The following FHIT variants were observed in gnomAD, a reference collection of about 807,000 sequenced individuals.
FHIT encodes fragile histidine triad diadenosine triphosphatase.
Under a neutral mutation model 17.9 loss-of-function variants are expected in FHIT, and 19 were observed. The observed-to-expected ratio is 1.06, with a 90% confidence interval of 0.74 to 1.56. The LOEUF is 1.56. Ranked by LOEUF, FHIT falls within the 40% of genes most tolerant of loss-of-function variation. The pLI, the probability that FHIT is intolerant of heterozygous loss-of-function variation, is 0.00. For missense variants in FHIT, 248 were observed against 189.2 expected (o/e 1.31, Z -1.82); for synonymous variants, 81 against 69.7 (o/e 1.16, Z -0.81).
chr3:61,174,560 C>A (rs932486195), intron 2 of FHIT, among the ~76,000 whole-genome samples: 12 of 152,202 alleles, frequency 7.9e-5, no homozygotes, highest in African/African-American at 2.7e-4. Context: ...TATGGCCCAA[C>A]TGTTGATTAA....
intron 2 of FHIT, among the ~76,000 whole-genome samples, chr3:61,134,014 G>A (rs1050466362): frequency 2.0e-5 from 3 of 151,824 alleles, no homozygotes; most frequent in Admixed American, 6.6e-5. Context: ...CTTTGAACTC[G>A]GGAGGCGGAG....
intron 2 of FHIT, among the ~76,000 whole-genome samples, chr3:61,064,612 C>T (rs1265081675): frequency 6.6e-6 from 1 of 152,180 alleles, no homozygotes; most frequent in Non-Finnish European, 1.5e-5. Flanking sequence ...CAGCATCCTT[C>T]ATGCAGGAAA....
intron 1 of FHIT, among the ~76,000 whole-genome samples, chr3:61,202,043 T>C (rs1371330387): frequency 6.9e-6 from 1 of 144,602 alleles, no homozygotes; most frequent in East Asian, 2.0e-4. Context: ...TATATATACC[T>C]ACATATATAT....
intron 5 of FHIT, among the ~76,000 whole-genome samples, chr3:60,472,960 T>A (rs1386105240): frequency 6.6e-6 from 1 of 152,166 alleles, no homozygotes; most frequent in Non-Finnish European, 1.5e-5. Flanking sequence ...TCTCCTTTAG[T>A]GCTATATTAT....
chr3:60,394,084 G>A (rs758013161), intron 5 of FHIT, among the ~76,000 whole-genome samples: 2 of 152,136 alleles, frequency 1.3e-5, no homozygotes, highest in East Asian at 3.9e-4. Context: ...AGCCTCAGGG[G>A]TGAGGGTCAG....
chr3:60,900,480 A>G (rs1271857118), intron 3 of FHIT, among the ~76,000 whole-genome samples: 1 of 152,100 alleles, frequency 6.6e-6, no homozygotes, highest in Non-Finnish European at 1.5e-5. Context: ...TAATCAAGAT[A>G]ATAATACTTC....
At chr3:60,070,993 G>T (rs1702744644) in intron 5 of FHIT, among the ~76,000 whole-genome samples, 1 of 151,960 alleles carries the variant, frequency 6.6e-6, no homozygotes, top group Non-Finnish European at 1.5e-5. Flanking sequence ...ACTCTCTTTA[G>T]AAGAGAAATC....
chr3:61,063,899 TC>T (rs2034515593), intron 2 of FHIT, among the ~76,000 whole-genome samples: 1 of 152,202 alleles, frequency 6.6e-6, no homozygotes, highest in South Asian at 2.1e-4. Context: ...ATGACTTAGT[TC>T]CCTCTGACCT....
At chr3:60,704,963 A>G (rs1304259762) in intron 4 of FHIT, among the ~76,000 whole-genome samples, 1 of 152,122 alleles carries the variant, frequency 6.6e-6, no homozygotes, top group Non-Finnish European at 1.5e-5. Flanking sequence ...ACTCTGTCCA[A>G]GAGATAAATA....
chr3:60,524,195 GAGACACAC>G (rs1302937601), intron 5 of FHIT, among the ~76,000 whole-genome samples: 2 of 124,052 alleles, frequency 1.6e-5, no homozygotes, highest in Non-Finnish European at 3.3e-5. Context: ...TAGTCAGCCT[GAGACACAC>G]ACACACACAC....
At chr3:60,276,043 A>T (rs950645478) in intron 5 of FHIT, among the ~76,000 whole-genome samples, 4 of 150,250 alleles carry the variant, frequency 2.7e-5, no homozygotes, top group Non-Finnish European at 5.9e-5. Context: ...GCTGGAGTGC[A>T]GTGGCATGAT....
chr3:60,479,300 A>G (rs1005174902), intron 5 of FHIT, among the ~76,000 whole-genome samples: 5 of 152,198 alleles, frequency 3.3e-5, no homozygotes, highest in East Asian at 1.9e-4. Flanking sequence ...TATCATACCA[A>G]TTGATCCAAA....
At chr3:60,663,017 T>A (rs1220378651) in intron 4 of FHIT, among the ~76,000 whole-genome samples, 1 of 151,438 alleles carries the variant, frequency 6.6e-6, no homozygotes, top group Non-Finnish European at 1.5e-5. Context: ...TGCTTTTGCA[T>A]CTTTGTCAAA....
chr3:60,240,063 C>A (rs1156392784), intron 5 of FHIT, among the ~76,000 whole-genome samples: 1 of 152,098 alleles, frequency 6.6e-6, no homozygotes, highest in South Asian at 2.1e-4. Flanking sequence ...TTATATAATA[C>A]AATGTAAACA....
At chr3:60,113,661 T>C (rs1381244785) in intron 5 of FHIT, among the ~76,000 whole-genome samples, 86 of 151,820 alleles carry the variant, frequency 5.7e-4, no homozygotes, top group Non-Finnish European at 1.5e-5. Context: ...ACAATGTGAA[T>C]GTACTTAACA....
chr3:60,768,659 G>T (rs1221723836), intron 4 of FHIT, among the ~76,000 whole-genome samples: 3 of 152,162 alleles, frequency 2.0e-5, no homozygotes, highest in Non-Finnish European at 2.9e-5. Flanking sequence ...GTGGTAAGGT[G>T]GGGCCATGTG....
At chr3:60,299,258 C>T (rs1320178332) in intron 5 of FHIT, among the ~76,000 whole-genome samples, 1 of 152,096 alleles carries the variant, frequency 6.6e-6, no homozygotes, top group Non-Finnish European at 1.5e-5. Flanking sequence ...CCTACTTGAT[C>T]ATGATGTATA....
intron 5 of FHIT, among the ~76,000 whole-genome samples, chr3:60,107,150 C>CTTTTTTTTTT (rs540311961): frequency 1.1e-5 from 1 of 95,158 alleles, no homozygotes; most frequent in Non-Finnish European, 2.0e-5. Context: ...AGCTTTAATT[C>CTTTTTTTTTT]TTTTTTTTTT....
chr3:60,355,908 C>G (rs1212522457), intron 5 of FHIT, among the ~76,000 whole-genome samples: 1 of 152,034 alleles, frequency 6.6e-6, no homozygotes, highest in African/African-American at 2.4e-5. Context: ...ATCTTTGTCT[C>G]CTTATGATGA....
Sources: gnomAD v4.1 joint callset for allele counts (sites outside exome capture counted in the v4.1 genomes callset) on GRCh38, gnomAD v4.1.1 for gene constraint, MANE v1.5 for transcripts, NCBI Gene and HGNC (gene_info 2026-07-23, HGNC 2026-07-21) for gene names.